SMC5: variants seen among roughly 807,000 people sequenced by gnomAD.
SMC5 encodes the protein structural maintenance of chromosomes 5, also known as structural maintenance of chromosomes protein 5.
Under a neutral mutation model 148.3 loss-of-function variants are expected in SMC5, and 88 were observed. The ratio of observed to expected loss-of-function variants is 0.59; its 90% confidence interval spans 0.50 to 0.71. The LOEUF (loss-of-function observed/expected upper bound fraction) is 0.71. SMC5 is among the 30% of genes least tolerant of loss of function. SMC5 has a pLI of 0.00. For synonymous variants in SMC5, 421 were observed against 432.8 expected (o/e 0.97, Z 0.34); for missense variants, 1,142 against 1,298.9 (o/e 0.88, Z 1.86).
intron 3 of SMC5, among the ~76,000 whole-genome samples, chr9:70,268,181 A>T (rs898656897): frequency 6.6e-6 from 1 of 152,220 alleles, no homozygotes; most frequent in East Asian, 1.9e-4. Context: ...ATGGTGGCTC[A>T]TGCCTGTAAT....
At chr9:70,312,988 T>C (rs1243323635) in intron 11 of SMC5, among the ~76,000 whole-genome samples, 1 of 152,194 alleles carries the variant, frequency 6.6e-6, no homozygotes, top group Non-Finnish European at 1.5e-5. Flanking sequence ...CTTAACTGTT[T>C]TATCAAATTT....
In SMC5 at chr9:70,286,244, A is replaced by G; in HGVS notation, c.1026A>G (p.Gln342=). The G allele has an allele frequency of 6.2e-7, 1 of 1,606,166 alleles. No homozygotes were observed. ...KEASQKCKQK[Q]DVIERKDKHI... The stretch of plus-strand genomic sequence containing the variant: ...CATCTCAAAAATGCAAACAGAAGCA[A>G]GATGTTATAGAAAGGAAAGATAAAC... Residue 342 remains glutamine (Q), a synonymous_variant, in exon 8 of 25, where the codon CAA becomes CAG. Transcript: ENST00000361138.
chr9:70,305,673 A>G (rs528212834), intron 11 of SMC5, among the ~76,000 whole-genome samples: 4 of 152,212 alleles, frequency 2.6e-5, no homozygotes, highest in Non-Finnish European at 5.9e-5. Context: ...TTGGTCTTGG[A>G]CATCCTTTTT....
Position 70,350,377 on chromosome 9 carries a change from G to A in SMC5, c.3071G>A (p.Gly1024Glu). Reference sequence around the variant, plus strand: ...ATCATTATTGTTGCCATTGTTTAGGGAATGGACCCAATCAATGAACGGAGA... The same window carrying A: ...ATCATTATTGTTGCCATTGTTTAGGAAATGGACCCAATCAATGAACGGAGA... ...PFRVVDEINQ[G>E]MDPINERRVF... is the part of the protein sequence containing the mutation. The change falls in exon 24 of 25, where the codon GGA (glycine) becomes GAA (glutamate). Residue 1024 changes from glycine (G) to glutamate (E), a missense_variant and splice_region_variant. This residue lies in a region of SMC5 where 30 missense variants were observed against 65.3 expected (regional missense o/e 0.46). Coordinates refer to ENST00000361138, the MANE Select transcript of SMC5 (RefSeq NM_015110.4). The A allele has an allele frequency of 1.2e-6, 2 of 1,610,090 alleles. No individual in the cohort carries two copies. Among genetic ancestry groups the A allele is most frequent in the Non-Finnish European group, 1.7e-6 (2 of 1,178,642 alleles).
At chr9:70,285,138 C>G (rs1284980704) in intron 7 of SMC5, among the ~76,000 whole-genome samples, 4 of 152,194 alleles carry the variant, frequency 2.6e-5, no homozygotes, top group East Asian at 1.9e-4. Flanking sequence ...TAATTTTCCT[C>G]TATCAGAAGA....
At chr9:70,338,743 C>T (rs2036431279) in intron 17 of SMC5, among the ~76,000 whole-genome samples, 2 of 152,144 alleles carry the variant, frequency 1.3e-5, no homozygotes, top group African/African-American at 2.4e-5. Context: ...TCCATTGCTG[C>T]TTTTAAGACC....
At chr9:70,295,240 C>T (rs1329917984) in intron 8 of SMC5, among the ~76,000 whole-genome samples, 6 of 151,442 alleles carry the variant, frequency 4.0e-5, no homozygotes, top group Non-Finnish European at 5.9e-5. Flanking sequence ...CCAAGGCGGG[C>T]GGATCACGAG....
At chr9:70,283,570 A>C (rs2034814234) in intron 7 of SMC5, among the ~76,000 whole-genome samples, 1 of 152,216 alleles carries the variant, frequency 6.6e-6, no homozygotes, top group African/African-American at 2.4e-5. Context: ...TAATTAGACC[A>C]GCGGAATTTA....
chr9:70,318,273 A>G (rs1031928762), intron 13 of SMC5, among the ~76,000 whole-genome samples: 1 of 152,010 alleles, frequency 6.6e-6, no homozygotes, highest in African/African-American at 2.4e-5. Context: ...CTGTAGTCCC[A>G]TCTACTCAGG....
At chr9:70,260,043 C>T (rs1055067763) in intron 1 of SMC5, among the ~76,000 whole-genome samples, 5 of 151,566 alleles carry the variant, frequency 3.3e-5, no homozygotes, top group African/African-American at 1.2e-4. Flanking sequence ...CTCTCGGTTT[C>T]AAGCGATTCT....
Position 70,298,176 on chromosome 9 carries a change from A to AT in SMC5, c.1266dup (p.Asp423Ter), listed in dbSNP as rs2035257952. On this transcript the variant is annotated frameshift_variant, in exon 9 of 25. Coordinates refer to ENST00000361138, the MANE Select transcript of SMC5 (RefSeq NM_015110.4). LOFTEE classifies it high-confidence loss of function. Reference sequence around the variant, plus strand: ...AAAGGCATTATGTGAAGGCGAAATAATTGATAAGCGAAGAGAGAGGGAAAC... The same window carrying AT: ...AAAGGCATTATGTGAAGGCGAAATAATTTGATAAGCGAAGAGAGAGGGAAAC... 2 of 1,613,876 alleles carry AT rather than the reference A, an allele frequency of 1.2e-6. No homozygotes were observed. Among genetic ancestry groups the AT allele is most frequent in the Non-Finnish European group, 1.7e-6 (2 of 1,179,920 alleles).
chr9:70,275,921 A>G (rs2034580794), intron 3 of SMC5, among the ~76,000 whole-genome samples: 1 of 152,068 alleles, frequency 6.6e-6, no homozygotes, highest in Non-Finnish European at 1.5e-5. Flanking sequence ...AGTCATCCAA[A>G]TATCTTTAAT....
chr9:70,293,930 A>T (rs911809224), intron 8 of SMC5, among the ~76,000 whole-genome samples: 4 of 152,228 alleles, frequency 2.6e-5, no homozygotes, highest in African/African-American at 9.6e-5. Flanking sequence ...TTGACTTGTG[A>T]TGGCTTGGAA....
rs1282947210 is a variant in SMC5 at position 70,325,949 on chromosome 9, A to G, written c.2397+1806A>G. Reference sequence around the variant, plus strand: ...TCAGAATAAAAATAAAAGTCTTCCTAAATACCAAAAAGATACACAAAGACA... The same window carrying G: ...TCAGAATAAAAATAAAAGTCTTCCTGAATACCAAAAAGATACACAAAGACA... On this transcript the variant is annotated intron_variant, in intron 17 of 24. Transcript: ENST00000361138. Among the ~76,000 whole-genome samples, 4 of 152,280 alleles carry G rather than the reference A, an allele frequency of 2.6e-5. No homozygotes were observed. In the East Asian group the frequency reaches 7.7e-4, roughly 29 times the overall value.
intron 17 of SMC5, among the ~76,000 whole-genome samples, chr9:70,332,943 AAG>A (rs2118727356): frequency 6.6e-6 from 1 of 152,304 alleles, no homozygotes; most frequent in Non-Finnish European, 1.5e-5. Context: ...CATTCTGATA[AAG>A]GATATCTGAA....
chr9:70,345,311 ATACT>A (rs1432417803), intron 18 of SMC5, among the ~76,000 whole-genome samples: 1 of 152,170 alleles, frequency 6.6e-6, no homozygotes, highest in African/African-American at 2.4e-5. Context: ...CAAGACAGAC[ATACT>A]TCCTTCTCAG....
chr9:70,334,720 GA>G (rs2036315616), intron 17 of SMC5, among the ~76,000 whole-genome samples: 1 of 152,054 alleles, frequency 6.6e-6, no homozygotes, highest in South Asian at 2.1e-4. Flanking sequence ...GCTGACCCCT[GA>G]TGGATGCTAT....
intron 18 of SMC5, 143 bp downstream of exon 18, chr9:70,344,412 A>G (rs1195881177): frequency 1.6e-5 from 5 of 303,140 alleles, no homozygotes; most frequent in Non-Finnish European, 3.0e-5. Flanking sequence ...AACTGAATAT[A>G]TATATATATA....
intron 15 of SMC5, among the ~76,000 whole-genome samples, chr9:70,322,783 T>A (rs1366538067): frequency 6.6e-6 from 1 of 152,110 alleles, no homozygotes; most frequent in Non-Finnish European, 1.5e-5. Flanking sequence ...TGCAGTGAGC[T>A]GAGATTGTGC....
Sources: gnomAD v4.1 joint callset for allele counts (sites outside exome capture counted in the v4.1 genomes callset) on GRCh38, gnomAD v4.1.1 for gene constraint, gnomAD v4.1.1 regional missense constraint, MANE v1.5 for transcripts, NCBI Gene and HGNC (gene_info 2026-07-23, HGNC 2026-07-21) for gene names.